The following BMAL1 variants were observed in gnomAD, a reference collection of about 807,000 sequenced individuals.
BMAL1 encodes the protein basic helix-loop-helix ARNT like 1, also known as basic helix-loop-helix ARNT-like protein 1.
the BMAL1 span, among the ~76,000 whole-genome samples, chr11:13,369,371 C>A: frequency 1.3e-5 from 2 of 152,224 alleles, no homozygotes; most frequent in Non-Finnish European, 2.9e-5. Flanking sequence ...TACTATATTT[C>A]TTTTCATCCC....
the BMAL1 span, among the ~76,000 whole-genome samples, chr11:13,348,298 G>A: frequency 1.3e-5 from 2 of 152,196 alleles, no homozygotes; most frequent in African/African-American, 4.8e-5. Context: ...GGAGGGTTGG[G>A]CTGAAGACTA....
chr11:13,310,998 G>A, the BMAL1 span, among the ~76,000 whole-genome samples: 1 of 152,216 alleles, frequency 6.6e-6, no homozygotes, highest in Non-Finnish European at 1.5e-5. Context: ...TGCAAAGGGA[G>A]AACCAATAGC....
At chr11:13,318,114 G>T in the BMAL1 span, among the ~76,000 whole-genome samples, 1 of 152,196 alleles carries the variant, frequency 6.6e-6, no homozygotes, top group Non-Finnish European at 1.5e-5. Context: ...CCTCCGGCTG[G>T]CCCAGCCTCA....
the BMAL1 span, among the ~76,000 whole-genome samples, chr11:13,296,898 C>CT: frequency 6.6e-6 from 1 of 152,164 alleles, no homozygotes; most frequent in Non-Finnish European, 1.5e-5. Flanking sequence ...GCTCTGTCAG[C>CT]CTCAGGCAGC....
chr11:13,295,717 A>T, the BMAL1 span, among the ~76,000 whole-genome samples: 1 of 152,120 alleles, frequency 6.6e-6, no homozygotes, highest in East Asian at 1.9e-4. Flanking sequence ...CACGGAGCAA[A>T]TTTGCATACA....
At chr11:13,344,141 G>A in the BMAL1 span, among the ~76,000 whole-genome samples, 1 of 152,044 alleles carries the variant, frequency 6.6e-6, no homozygotes. Flanking sequence ...GCAAACCCCT[G>A]CAACACCTCA....
At chr11:13,369,032 C>T in the BMAL1 span, among the ~76,000 whole-genome samples, 1 of 152,188 alleles carries the variant, frequency 6.6e-6, no homozygotes, top group Non-Finnish European at 1.5e-5. Context: ...TGCTCAGTAC[C>T]TGCATGCAGC....
chr11:13,340,055 A>G, the BMAL1 span, among the ~76,000 whole-genome samples: 9 of 152,160 alleles, frequency 5.9e-5, no homozygotes. Context: ...TTTGGCTACT[A>G]CAAGCAGTTT....
the BMAL1 span, chr11:13,365,627 T>G: frequency 6.4e-7 from 1 of 1,553,852 alleles, no homozygotes; most frequent in Non-Finnish European, 8.9e-7. Flanking sequence ...GTGGGCAGCC[T>G]CACAGCAGTC....
chr11:13,301,522 G>A, the BMAL1 span, among the ~76,000 whole-genome samples: 2 of 152,178 alleles, frequency 1.3e-5, no homozygotes, highest in Non-Finnish European at 2.9e-5. Flanking sequence ...CTACCTCACT[G>A]CTGGGCAGGG....
chr11:13,346,295 T>G, the BMAL1 span, among the ~76,000 whole-genome samples: 1 of 152,212 alleles, frequency 6.6e-6, no homozygotes, highest in Non-Finnish European at 1.5e-5. Flanking sequence ...GTGGGACAGC[T>G]CAGCCTGGAA....
the BMAL1 span, chr11:13,376,718 C>G: frequency 6.2e-7 from 1 of 1,613,756 alleles, no homozygotes; most frequent in Non-Finnish European, 8.5e-7. Flanking sequence ...GCATGCTGCC[C>G]TCTGGAGAAG....
chr11:13,374,316 G>A, the BMAL1 span: 136 of 880,854 alleles, frequency 1.5e-4, 1 homozygote, highest in African/African-American at 2.0e-3. Context: ...AGCCAGCCTA[G>A]GACTCTTCAG....
At chr11:13,327,866 A>G in the BMAL1 span, among the ~76,000 whole-genome samples, 113 of 8,866 alleles carry the variant, frequency 0.013, 1 homozygote, top group African/African-American at 0.027. Flanking sequence ...CAAGCCCAGC[A>G]TTTTTCATGA....
chr11:13,283,223 A>G, the BMAL1 span, among the ~76,000 whole-genome samples: 2 of 152,186 alleles, frequency 1.3e-5, no homozygotes, highest in South Asian at 4.1e-4. Flanking sequence ...TGCTCTACCC[A>G]CTGGGTTTTG....
At chr11:13,370,653 T>A in the BMAL1 span, among the ~76,000 whole-genome samples, 1 of 152,120 alleles carries the variant, frequency 6.6e-6, no homozygotes, top group Admixed American at 6.5e-5. Context: ...GCTGCCTACT[T>A]TCACTCAGCT....
chr11:13,285,939 T>C, the BMAL1 span, among the ~76,000 whole-genome samples: 2 of 152,238 alleles, frequency 1.3e-5, no homozygotes, highest in African/African-American at 4.8e-5. Context: ...CAAATATTAC[T>C]GTTTTAATTG....
the BMAL1 span, among the ~76,000 whole-genome samples, chr11:13,345,092 C>T: frequency 2.0e-5 from 3 of 152,290 alleles, no homozygotes; most frequent in African/African-American, 2.4e-5. Context: ...TTCCTAAGCT[C>T]GCCACATCAT....
the BMAL1 span, among the ~76,000 whole-genome samples, chr11:13,318,787 G>A: frequency 7.9e-5 from 12 of 151,834 alleles, no homozygotes; most frequent in South Asian, 2.1e-4. Context: ...GGGGAGGGGG[G>A]CCCTTGCAAA....
Sources: gnomAD v4.1 joint callset for allele counts (sites outside exome capture counted in the v4.1 genomes callset) on GRCh38, gnomAD v4.1.1 for gene constraint, MANE v1.5 for transcripts, NCBI Gene and HGNC (gene_info 2026-07-23, HGNC 2026-07-21) for gene names.